Variants in ANO2 observed in about 807,000 individuals in gnomAD.
ANO2 encodes anoctamin-2.
ANO2 carries 101 observed loss-of-function variants against 124.2 expected under a neutral mutation model. The observed-to-expected ratio is 0.81, with a 90% CI of 0.69 to 0.96. The LOEUF (loss-of-function observed/expected upper bound fraction) is 0.96, where lower values mean the gene tolerates loss of function less well. Among genes scored for constraint, ANO2 ranks in the 40% least tolerant of loss-of-function variants. ANO2 has a pLI of 0.00. For synonymous variants in ANO2, 486 were observed against 482.5 expected (o/e 1.01, Z -0.09); for missense variants, 1,293 against 1,274.5 (o/e 1.01, Z -0.22).
At chr12:5,728,974 CAA>C (rs1950539782) in intron 14 of ANO2, among the ~76,000 whole-genome samples, 1 of 152,142 alleles carries the variant, frequency 6.6e-6, no homozygotes, top group African/African-American at 2.4e-5. Context: ...AAATCATACA[CAA>C]AAATTAACTC....
chr12:5,932,816 A>G (rs1380292717), intron 1 of ANO2, among the ~76,000 whole-genome samples: 2 of 152,180 alleles, frequency 1.3e-5, no homozygotes, highest in East Asian at 1.9e-4. Context: ...ATGAAGAAGG[A>G]TCCATGGAAG....
intron 10 of ANO2, among the ~76,000 whole-genome samples, chr12:5,762,820 A>AT (rs1158503022): frequency 6.8e-6 from 1 of 146,800 alleles, no homozygotes. Context: ...TGGAGTATTG[A>AT]TAAGAGATAG....
intron 14 of ANO2, among the ~76,000 whole-genome samples, chr12:5,729,094 A>G (rs559815521): frequency 4.6e-5 from 7 of 152,334 alleles, no homozygotes; most frequent in South Asian, 4.1e-4. Flanking sequence ...CTTAGATATA[A>G]CACAAAAGCA....
chr12:5,710,760 G>C (rs571529791), intron 14 of ANO2, among the ~76,000 whole-genome samples: 86 of 152,230 alleles, frequency 5.6e-4, no homozygotes, highest in African/African-American at 2.0e-3. Flanking sequence ...AGTAGAGAGA[G>C]AGAATCAAGA....
At chr12:5,749,369 A>G (rs890742645) in intron 11 of ANO2, among the ~76,000 whole-genome samples, 3 of 152,218 alleles carry the variant, frequency 2.0e-5, no homozygotes, top group African/African-American at 7.2e-5. Flanking sequence ...TAAGTCAAAC[A>G]GAGTCATAGT....
chr12:5,583,996 C>A (rs891428189), intron 20 of ANO2: 9 of 241,426 alleles, frequency 3.7e-5, no homozygotes, highest in African/African-American at 1.6e-4. Context: ...AATGATCTCA[C>A]CTTCCTTCGA....
At position 5,824,451 on chromosome 12, in the gene ANO2, C is replaced by T. The variant is rs1294573818; in HGVS notation, c.892+3318G>A. On this transcript the variant is annotated intron_variant, in intron 7 of 24. Transcript: ENST00000682330. ...GGCAGGGGCAAAATGCTACCAGTCT[C>T]TTTGCTAAAACATAACAAGAGTCAC... 3.3e-5 allele frequency among the ~76,000 whole-genome samples: 5 copies of T among 152,326 alleles called. No homozygotes were observed. In the East Asian group the frequency reaches 7.7e-4, roughly 24 times the overall value.
chr12:5,706,612 T>A (rs1463753212), intron 14 of ANO2, among the ~76,000 whole-genome samples: 1 of 152,220 alleles, frequency 6.6e-6, no homozygotes, highest in East Asian at 1.9e-4. Flanking sequence ...TGCTTCATCT[T>A]TCCTCAGAGT....
chr12:5,808,018 G>A (rs887199441), intron 7 of ANO2, among the ~76,000 whole-genome samples: 7 of 152,232 alleles, frequency 4.6e-5, no homozygotes, highest in Non-Finnish European at 5.9e-5. Flanking sequence ...GGCACATGCT[G>A]ACATCATCCC....
intron 3 of ANO2, among the ~76,000 whole-genome samples, chr12:5,875,701 A>G (rs956620540): frequency 6.6e-6 from 1 of 152,136 alleles, no homozygotes; most frequent in Non-Finnish European, 1.5e-5. Flanking sequence ...ATTAAGTGCA[A>G]TGATCTCCAG....
At chr12:5,713,526 C>A (rs1036310762) in intron 14 of ANO2, among the ~76,000 whole-genome samples, 1 of 152,128 alleles carries the variant, frequency 6.6e-6, no homozygotes. Flanking sequence ...CTAAATCCCC[C>A]CTACCCTGGG....
chr12:5,786,027 A>AG, intron 10 of ANO2, among the ~76,000 whole-genome samples: 1 of 113,152 alleles, frequency 8.8e-6, no homozygotes, highest in Non-Finnish European at 1.9e-5. Context: ...GTGTTCAGGA[A>AG]GGGGGAGAGG....
chr12:5,623,184 C>T (rs1945214441), intron 16 of ANO2, among the ~76,000 whole-genome samples: 1 of 152,066 alleles, frequency 6.6e-6, no homozygotes, highest in African/African-American at 2.4e-5. Context: ...GTGCTTTGAA[C>T]AACTCCAAAT....
At chr12:5,655,399 T>C (rs1439392617) in intron 14 of ANO2, among the ~76,000 whole-genome samples, 1 of 152,224 alleles carries the variant, frequency 6.6e-6, no homozygotes, top group Admixed American at 6.5e-5. Flanking sequence ...AAAACAGATT[T>C]CTGGGCTCCA....
In ANO2 at chr12:5,636,149, A is replaced by T. The variant is rs1946001487; in HGVS notation, c.1621-802T>A. Among the ~76,000 whole-genome samples the T allele has an allele frequency of 6.6e-6, 1 of 152,094 alleles. No individual in the cohort carries two copies. The highest frequency in any genetic ancestry group is 2.1e-4 in the South Asian group (1 of 4,820). On this transcript the variant is annotated intron_variant, in intron 15 of 24. Transcript: ENST00000682330. The surrounding 1 kb of genome is among the most constrained non-coding windows in gnomAD (Gnocchi z 4.6). ...CCAAAAGGAGGGTTATAGCCACGTG[A>T]CCTCTAAGGGTTCCCCTCATTTCCT...
At chr12:5,630,097 AG>A (rs1945636384) in intron 16 of ANO2, among the ~76,000 whole-genome samples, 1 of 152,246 alleles carries the variant, frequency 6.6e-6, no homozygotes. Context: ...GGATGCTCCC[AG>A]GAAACTGGTC....
intron 10 of ANO2, among the ~76,000 whole-genome samples, chr12:5,762,539 A>T (rs148654628): frequency 6.6e-6 from 1 of 152,058 alleles, no homozygotes; most frequent in Non-Finnish European, 1.5e-5. Flanking sequence ...AAATGGTATG[A>T]ACATGTGGAG....
In ANO2 at chr12:5,734,250, C is replaced by G. The variant is rs138688774; in HGVS notation, c.1435-1620G>C. On this transcript the variant is annotated intron_variant, in intron 13 of 24. Transcript: ENST00000682330. ...ATTTTCCTAAGCACATCATTTCCCG[C>G]AGAGCAACTTTTGCCTGTAACAATT... Among the ~76,000 whole-genome samples, 261 of 152,356 alleles carry G rather than the reference C, an allele frequency of 1.7e-3. 1 individual carries two copies. The highest frequency in any genetic ancestry group is 6.1e-3 in the African/African-American group (254 of 41,578).
chr12:5,853,353 AAAC>A (rs1438759755), intron 4 of ANO2, among the ~76,000 whole-genome samples: 1 of 151,772 alleles, frequency 6.6e-6, no homozygotes. Context: ...AAAAAAAAAA[AAAC>A]TACCTCAAAC....
Sources: allele counts gnomAD v4.1 joint callset (sites outside exome capture counted in the v4.1 genomes callset), GRCh38; gene constraint gnomAD v4.1.1; non-coding constraint Gnocchi (gnomAD v3.1); transcripts MANE v1.5; gene names NCBI Gene and HGNC (gene_info 2026-07-23, HGNC 2026-07-21).